Variants in KAZN observed in about 807,000 individuals in gnomAD.
KAZN encodes the protein kazrin, periplakin interacting protein.
Under a neutral mutation model 87.4 loss-of-function variants are expected in KAZN, and 40 were observed. The observed-to-expected ratio is 0.46, with a 90% CI of 0.36 to 0.60. The LOEUF (loss-of-function observed/expected upper bound fraction) is 0.60. Ranked by LOEUF, KAZN falls within the 20% of genes least tolerant of loss-of-function variation. KAZN has a pLI of 0.00. For synonymous variants in KAZN, 466 were observed against 458.3 expected (o/e 1.02, Z -0.22); for missense variants, 898 against 1,073.9 (o/e 0.84, Z 2.29).
chr1:13,895,990 A>G (rs944059111), intron 1 of KAZN, among the ~76,000 whole-genome samples: 16 of 81,338 alleles, frequency 2.0e-4, no homozygotes, highest in Middle Eastern at 7.6e-3. Context: ...TAATTTTCAT[A>G]ATTTTTTTTT....
At chr1:14,807,252 G>A (rs1646252188) in intron 1 of KAZN, among the ~76,000 whole-genome samples, 1 of 152,216 alleles carries the variant, frequency 6.6e-6, no homozygotes, top group South Asian at 2.1e-4. Context: ...GCCTGGGTCT[G>A]ATTCCTGGAA....
intron 1 of KAZN, among the ~76,000 whole-genome samples, chr1:13,924,855 T>C (rs1002119145): frequency 6.6e-6 from 1 of 152,236 alleles, no homozygotes; most frequent in African/African-American, 2.4e-5. Flanking sequence ...GGCTGTGTCA[T>C]GGATGCGGGT....
At chr1:14,904,155 G>T (rs1343665800) in intron 1 of KAZN, among the ~76,000 whole-genome samples, 1 of 152,154 alleles carries the variant, frequency 6.6e-6, no homozygotes, top group Non-Finnish European at 1.5e-5. Flanking sequence ...TGTATGGCCT[G>T]TTATGGAAAT....
rs2100247472 is a variant in KAZN, at chr1:14,716,068, C to T, written c.226+116845C>T. Among the ~76,000 whole-genome samples the T allele has an allele frequency of 1.3e-5, 2 of 152,266 alleles. 1 individual carries two copies. Among genetic ancestry groups the T allele is most frequent in the South Asian group, 4.1e-4 (2 of 4,824 alleles). ...TCATCAGAAGTGTTTTAAGAGCAAA[C>T]TCTCAGGTTCATTCAAGTGGGGCAC... On this transcript the variant is annotated intron_variant, in intron 1 of 14. Transcript: ENST00000376030.
chr1:13,968,610 T>C (rs1642027419), intron 1 of KAZN, among the ~76,000 whole-genome samples: 1 of 152,248 alleles, frequency 6.6e-6, no homozygotes, highest in Non-Finnish European at 1.5e-5. Context: ...CTGTGGAGGC[T>C]AACAAGGACC....
chr1:14,197,178 A>G (rs1432967270), intron 2 of KAZN, among the ~76,000 whole-genome samples: 1 of 152,026 alleles, frequency 6.6e-6, no homozygotes, highest in Admixed American at 6.6e-5. Flanking sequence ...TCCAGTAGTT[A>G]GAGAAGAATA....
intron 2 of KAZN, among the ~76,000 whole-genome samples, chr1:14,290,385 T>C (rs532197715): frequency 1.3e-5 from 2 of 152,348 alleles, no homozygotes; most frequent in South Asian, 4.1e-4. Context: ...CTTTTTATTC[T>C]TTTTTCTCTA....
intron 2 of KAZN, among the ~76,000 whole-genome samples, chr1:14,190,013 A>G (rs1557548530): frequency 6.6e-6 from 1 of 152,136 alleles, no homozygotes; most frequent in Non-Finnish European, 1.5e-5. Context: ...AGACTGTCTG[A>G]ACAGCTGGAG....
chr1:14,297,356 A>G (rs1352194869), intron 2 of KAZN, among the ~76,000 whole-genome samples: 1 of 152,258 alleles, frequency 6.6e-6, no homozygotes, highest in Non-Finnish European at 1.5e-5. Flanking sequence ...TCAGAAAAGC[A>G]AAAACTGATT....
chr1:15,050,698 G>T (rs1465424698), intron 4 of KAZN, among the ~76,000 whole-genome samples: 4 of 152,172 alleles, frequency 2.6e-5, no homozygotes, highest in African/African-American at 7.2e-5. Context: ...CAGTTCCTAG[G>T]CTGGGTCTGA....
chr1:14,075,020 T>C (rs182574583), intron 1 of KAZN, among the ~76,000 whole-genome samples: 1 of 152,332 alleles, frequency 6.6e-6, no homozygotes, highest in East Asian at 1.9e-4. Context: ...GACTTATTTC[T>C]TATTTGAGAA....
intron 2 of KAZN, among the ~76,000 whole-genome samples, chr1:14,520,955 A>C (rs1193736041): frequency 6.6e-6 from 1 of 152,208 alleles, no homozygotes; most frequent in Non-Finnish European, 1.5e-5. Flanking sequence ...TCTATTGGGA[A>C]GAAGGCCCAT....
chr1:14,331,412 A>G (rs1656851433), intron 2 of KAZN, among the ~76,000 whole-genome samples: 1 of 152,190 alleles, frequency 6.6e-6, no homozygotes, highest in Admixed American at 6.5e-5. Flanking sequence ...AACAATTGAC[A>G]GTAGTTTCTG....
At chr1:14,907,511 G>A (rs1332262677) in intron 1 of KAZN, among the ~76,000 whole-genome samples, 1 of 152,062 alleles carries the variant, frequency 6.6e-6, no homozygotes, top group Non-Finnish European at 1.5e-5. Context: ...GTTCAGTAGA[G>A]CTTGAGACGC....
At chr1:14,531,093 A>G (rs1021370078) in intron 2 of KAZN, among the ~76,000 whole-genome samples, 1 of 152,176 alleles carries the variant, frequency 6.6e-6, no homozygotes, top group South Asian at 2.1e-4. Flanking sequence ...TCAATGAATC[A>G]ATCAGTAACC....
intron 8 of KAZN, among the ~76,000 whole-genome samples, chr1:15,092,060 GTTTTTTTTTTTGATTTTTTT>G (rs1394898623): frequency 1.7e-5 from 2 of 114,448 alleles, no homozygotes; most frequent in African/African-American, 6.7e-5. Flanking sequence ...TTGTTTTTTT[GTTTTTTTTTTTGATTTTTTT>G]TTTTTTTTTT....
chr1:13,929,550 G>A (rs7522327), intron 1 of KAZN, among the ~76,000 whole-genome samples: 14,261 of 152,220 alleles, frequency 0.094, 746 homozygotes, highest in Middle Eastern at 0.14. Flanking sequence ...TGGGGCTTTG[G>A]TGCTAGCCTT....
chr1:14,034,928 C>T (rs1641484684), intron 1 of KAZN, among the ~76,000 whole-genome samples: 1 of 152,090 alleles, frequency 6.6e-6, no homozygotes, highest in Non-Finnish European at 1.5e-5. Flanking sequence ...CTTAGTGGGC[C>T]GCTTGCAGTG....
At chr1:14,604,606 A>G (rs1366037873) in intron 1 of KAZN, among the ~76,000 whole-genome samples, 1 of 152,258 alleles carries the variant, frequency 6.6e-6, no homozygotes, top group Non-Finnish European at 1.5e-5. Context: ...TGCTGGAAAC[A>G]TGAAAGAAGC....
Sources: allele counts gnomAD v4.1 joint callset (sites outside exome capture counted in the v4.1 genomes callset), GRCh38; gene constraint gnomAD v4.1.1; transcripts MANE v1.5; gene names NCBI Gene and HGNC (gene_info 2026-07-23, HGNC 2026-07-21).